Variants in PRLR observed in about 807,000 individuals in gnomAD.
PRLR encodes prolactin receptor.
In PRLR, 13 loss-of-function variants were observed where a neutral mutation model predicts 40.2. That is an observed-to-expected ratio of 0.32 (90% CI 0.21 to 0.51). PRLR has a LOEUF of 0.51. PRLR is among the 20% of genes least tolerant of loss of function. The pLI, the probability that PRLR is intolerant of heterozygous loss-of-function variation, is 0.97. For missense variants in PRLR, 656 were observed against 747.3 expected (o/e 0.88, Z 1.42); for synonymous variants, 269 against 278.7 (o/e 0.97, Z 0.35).
At chr5:35,067,606 A>C (rs558219726) in intron 9 of PRLR, among the ~76,000 whole-genome samples, 21 of 152,338 alleles carry the variant, frequency 1.4e-4, no homozygotes, top group Middle Eastern at 3.4e-3. Flanking sequence ...TTAAGCTTAA[A>C]AGCCAAACTG....
At chr5:35,112,485 A>T (rs1051589338) in intron 2 of PRLR, among the ~76,000 whole-genome samples, 2 of 152,128 alleles carry the variant, frequency 1.3e-5, no homozygotes, top group Admixed American at 6.5e-5. Flanking sequence ...AAAGAGTGGT[A>T]AACCGGGAAA....
intron 1 of PRLR, among the ~76,000 whole-genome samples, chr5:35,199,755 T>C (rs1018447702): frequency 2.6e-5 from 4 of 152,198 alleles, no homozygotes; most frequent in African/African-American, 9.7e-5. Context: ...ATAATTTATA[T>C]ATTTCAATTT....
At chr5:35,144,709 C>T (rs1297295918) in intron 1 of PRLR, among the ~76,000 whole-genome samples, 3 of 152,000 alleles carry the variant, frequency 2.0e-5, no homozygotes, top group Non-Finnish European at 1.5e-5. Flanking sequence ...GTGATCTGCC[C>T]ACCTTGGCCT....
intron 3 of PRLR, among the ~76,000 whole-genome samples, chr5:35,087,292 T>G (rs190885631): frequency 6.6e-6 from 1 of 152,200 alleles, no homozygotes; most frequent in East Asian, 1.9e-4. Flanking sequence ...ACCTGGCCAC[T>G]TTTCCTTGAT....
intron 7 of PRLR, among the ~76,000 whole-genome samples, chr5:35,069,343 C>T (rs760137704): frequency 3.9e-5 from 6 of 152,196 alleles, no homozygotes; most frequent in Non-Finnish European, 8.8e-5. Context: ...GGCTTTCTGC[C>T]TCTAGACCCT....
chr5:35,185,589 A>G (rs557061700), intron 1 of PRLR, among the ~76,000 whole-genome samples: 1 of 152,336 alleles, frequency 6.6e-6, no homozygotes, highest in South Asian at 2.1e-4. Flanking sequence ...TCTAAAAAAC[A>G]CAGGAGCCTT....
chr5:35,198,183 C>T (rs1171733279), intron 1 of PRLR, among the ~76,000 whole-genome samples: 3 of 152,204 alleles, frequency 2.0e-5, no homozygotes, highest in Non-Finnish European at 2.9e-5. Context: ...ACCTCAGTGC[C>T]GCTCCGACTG....
At chr5:35,055,333 C>T (rs1768656001), downstream of PRLR, among the ~76,000 whole-genome samples, 1 of 152,066 alleles carries the variant, frequency 6.6e-6, no homozygotes, top group African/African-American at 2.4e-5. Flanking sequence ...GGAGAAGTTC[C>T]AAGAAACTTC....
At chr5:35,068,740 A>G in intron 8 of PRLR, 39 bp downstream of exon 8, 2 of 1,414,960 alleles carry the variant, frequency 1.4e-6, no homozygotes, top group Non-Finnish European at 2.0e-6. Context: ...ATCCTTGACT[A>G]TCATGATTGG....
At chr5:35,135,006 T>G (rs1773809527) in intron 1 of PRLR, among the ~76,000 whole-genome samples, 1 of 152,194 alleles carries the variant, frequency 6.6e-6, no homozygotes, top group Admixed American at 6.5e-5. Flanking sequence ...TTTTTTCCCC[T>G]TTTAAATCTA....
chr5:35,134,329 T>C (rs2962092), intron 1 of PRLR, among the ~76,000 whole-genome samples: 34,549 of 150,812 alleles, frequency 0.23, 7,521 homozygotes, highest in African/African-American at 0.57. Flanking sequence ...CCTCTTTCCT[T>C]GGATTATCAC....
intron 2 of PRLR, among the ~76,000 whole-genome samples, chr5:35,090,829 G>C (rs1206008287): frequency 3.8e-5 from 1 of 26,344 alleles, no homozygotes; most frequent in African/African-American, 7.5e-5. Context: ...TTTTTTTTTT[G>C]AGACAGAGTC....
intron 2 of PRLR, among the ~76,000 whole-genome samples, chr5:35,109,773 T>A (rs1203235631): frequency 3.9e-5 from 6 of 152,212 alleles, no homozygotes; most frequent in Non-Finnish European, 8.8e-5. Flanking sequence ...TTGGTGGGAC[T>A]GTAAACTAGT....
Position 35,177,300 on chromosome 5 carries a change from C to T in PRLR, c.-106+52968G>A, listed in dbSNP as rs1378285597. ...GTGTCTTTTTCTTTCCTAAGTCTCT[C>T]GTTCCACCTTACGAGAAACACCCAC... On this transcript the variant is annotated intron_variant, in intron 1 of 9. Transcript: ENST00000618457. Among the ~76,000 whole-genome samples, 12 of 152,310 alleles carry T rather than the reference C, an allele frequency of 7.9e-5. No individual in the cohort carries two copies. The East Asian group carries it at 1.5e-3, about 20-fold the overall frequency.
At chr5:35,178,400 T>C (rs1775205239) in intron 1 of PRLR, among the ~76,000 whole-genome samples, 2 of 152,172 alleles carry the variant, frequency 1.3e-5, no homozygotes, top group African/African-American at 4.8e-5. Context: ...AAGATAGACA[T>C]ATGGCCTATG....
chr5:35,141,519 G>C (rs894521191), intron 1 of PRLR, among the ~76,000 whole-genome samples: 1 of 152,082 alleles, frequency 6.6e-6, no homozygotes, highest in African/African-American at 2.4e-5. Context: ...TCCCACAGCC[G>C]GTTACTGGCA....
At chr5:35,085,704 G>T (rs1046523022) in intron 4 of PRLR, among the ~76,000 whole-genome samples, 1 of 152,154 alleles carries the variant, frequency 6.6e-6, no homozygotes, top group Non-Finnish European at 1.5e-5. Flanking sequence ...TTGCAAAAGT[G>T]ACATGTTTAG....
At chr5:35,112,246 A>G (rs1772706687) in intron 2 of PRLR, among the ~76,000 whole-genome samples, 3 of 152,210 alleles carry the variant, frequency 2.0e-5, no homozygotes, top group Admixed American at 2.0e-4. Flanking sequence ...GTTATTTGAA[A>G]TACCTAAGGC....
chr5:35,110,393 G>A (rs1184689269), intron 2 of PRLR, among the ~76,000 whole-genome samples: 1 of 152,090 alleles, frequency 6.6e-6, no homozygotes, highest in Admixed American at 6.6e-5. Flanking sequence ...GATATTGTGA[G>A]TAGACAGGAG....
Sources: allele counts gnomAD v4.1 joint callset (sites outside exome capture counted in the v4.1 genomes callset), GRCh38; gene constraint gnomAD v4.1.1; transcripts MANE v1.5; gene names NCBI Gene and HGNC (gene_info 2026-07-23, HGNC 2026-07-21).